Variants in PCDH11Y observed in about 807,000 individuals in gnomAD.
The protein encoded by PCDH11Y is protocadherin-11 Y-linked.
For synonymous variants in PCDH11Y, 9 were observed against 83.6 expected, an observed-to-expected ratio of 0.11 and a Z score of 4.87; for missense variants, 12 against 224.8, an observed-to-expected ratio of 0.05 and a Z score of 6.05.
chrY:5,115,896 A>G (rs2052809823), intron 2 of PCDH11Y, among the ~76,000 whole-genome samples: 1 of 29,578 alleles, frequency 3.4e-5, no homozygotes, highest in Non-Finnish European at 8.0e-5. Flanking sequence ...GCCCGCCACC[A>G]CGCCCAGCTA....
intron 2 of PCDH11Y, among the ~76,000 whole-genome samples, chrY:5,290,181 G>C (rs1458550334): frequency 3.0e-5 from 1 of 33,009 alleles, no homozygotes. Context: ...TCTCATTGTA[G>C]TTTTGATTTA....
intron 4 of PCDH11Y, among the ~76,000 whole-genome samples, chrY:5,642,969 G>A (rs2053524152): frequency 3.0e-5 from 1 of 33,093 alleles, no homozygotes; most frequent in Non-Finnish European, 7.5e-5. Flanking sequence ...CTGGTAGTTC[G>A]CATTGTCATG....
At chrY:5,027,035 G>T in intron 1 of PCDH11Y, among the ~76,000 whole-genome samples, 2 of 32,426 alleles carry the variant, frequency 6.2e-5, no homozygotes, top group Non-Finnish European at 1.5e-4. Context: ...AAAGCAGGGG[G>T]CTTGCTTGAG....
chrY:5,156,333 G>A (rs1602877599), intron 2 of PCDH11Y, among the ~76,000 whole-genome samples: 9 of 32,192 alleles, frequency 2.8e-4, no homozygotes, highest in African/African-American at 8.5e-4. Context: ...TCATGAATAC[G>A]TTACAAGTAG....
intron 2 of PCDH11Y, among the ~76,000 whole-genome samples, chrY:5,241,796 T>A: frequency 3.0e-5 from 1 of 32,929 alleles, no homozygotes; most frequent in Non-Finnish European, 7.4e-5. Flanking sequence ...AAAATATAAA[T>A]GCCTGAAGTG....
At chrY:5,046,200 A>G (rs1602848666) in intron 3 of PCDH11Y, among the ~76,000 whole-genome samples, 3 of 33,157 alleles carry the variant, frequency 9.0e-5, no homozygotes, top group African/African-American at 2.3e-4. Context: ...GCTTTTTAGA[A>G]TTTCCAGTTT....
At chrY:5,303,053 G>T in intron 2 of PCDH11Y, among the ~76,000 whole-genome samples, 2 of 32,650 alleles carry the variant, frequency 6.1e-5, no homozygotes, top group Non-Finnish European at 1.5e-4. Context: ...TATGATATTT[G>T]CAGGGATAAC....
At chrY:5,632,052 T>C in intron 4 of PCDH11Y, among the ~76,000 whole-genome samples, 1 of 32,765 alleles carries the variant, frequency 3.1e-5, no homozygotes, top group Non-Finnish European at 7.5e-5. Context: ...CTCAGTTTTC[T>C]AATCTCTCAG....
intron 2 of PCDH11Y, among the ~76,000 whole-genome samples, chrY:5,329,748 T>C: frequency 3.0e-5 from 1 of 32,905 alleles, no homozygotes; most frequent in African/African-American, 1.2e-4. Context: ...AGGGAGAGAT[T>C]GAAGTGTGGT....
intron 2 of PCDH11Y, among the ~76,000 whole-genome samples, chrY:5,217,940 G>T: frequency 3.0e-5 from 1 of 33,463 alleles, no homozygotes; most frequent in South Asian, 6.6e-4. Flanking sequence ...TGCTTTCAGC[G>T]GATGAACAGA....
intron 4 of PCDH11Y, among the ~76,000 whole-genome samples, chrY:5,642,595 C>G: frequency 5.9e-5 from 2 of 33,777 alleles, no homozygotes; most frequent in Non-Finnish European, 1.5e-4. Context: ...TCATTTTTCT[C>G]TCTTAAGGTG....
chrY:5,197,334 C>T, intron 2 of PCDH11Y, among the ~76,000 whole-genome samples: 1 of 32,522 alleles, frequency 3.1e-5, no homozygotes, highest in African/African-American at 1.2e-4. Flanking sequence ...TTCCATTGAT[C>T]TATATCTCTG....
intron 2 of PCDH11Y, among the ~76,000 whole-genome samples, chrY:5,130,314 A>C: frequency 3.0e-5 from 1 of 33,498 alleles, no homozygotes; most frequent in Non-Finnish European, 7.4e-5. Context: ...AAACCAACAG[A>C]ATGGAAGGAA....
chrY:5,316,666 C>T (rs2053107842), intron 2 of PCDH11Y, among the ~76,000 whole-genome samples: 1 of 33,110 alleles, frequency 3.0e-5, no homozygotes, highest in African/African-American at 1.2e-4. Context: ...GTTAAATAAA[C>T]CCCATTTGAT....
chrY:5,612,814 G>T (rs2053488925), intron 4 of PCDH11Y, among the ~76,000 whole-genome samples: 1 of 30,833 alleles, frequency 3.2e-5, no homozygotes, highest in Non-Finnish European at 7.7e-5. Flanking sequence ...TCTGAAGAAC[G>T]CAGAAACGAG....
At chrY:5,046,760 C>T (rs1602849210) in intron 3 of PCDH11Y, among the ~76,000 whole-genome samples, 2 of 32,940 alleles carry the variant, frequency 6.1e-5, no homozygotes, top group African/African-American at 2.4e-4. Flanking sequence ...TAGCAATCAG[C>T]GAGACTCCGT....
At chrY:5,401,550 T>G (rs2124677102) in intron 2 of PCDH11Y, among the ~76,000 whole-genome samples, 8 of 32,682 alleles carry the variant, frequency 2.4e-4, no homozygotes, top group African/African-American at 9.6e-4. Context: ...TCATACAGGT[T>G]TTAAGCCCAC....
chrY:5,305,006 C>T, intron 2 of PCDH11Y, among the ~76,000 whole-genome samples: 2 of 32,907 alleles, frequency 6.1e-5, no homozygotes. Context: ...TAAAAATTAA[C>T]CCGGTACTAA....
intron 3 of PCDH11Y, among the ~76,000 whole-genome samples, chrY:5,044,932 A>G (rs1602847228): frequency 3.1e-5 from 1 of 32,666 alleles, no homozygotes; most frequent in African/African-American, 1.2e-4. Flanking sequence ...TAGGATTGCA[A>G]TCCCTGCCTT....
Sources: gnomAD v4.1 joint callset for allele counts (sites outside exome capture counted in the v4.1 genomes callset) on GRCh38, gnomAD v4.1.1 for gene constraint, MANE v1.5 for transcripts, NCBI Gene and HGNC (gene_info 2026-07-23, HGNC 2026-07-21) for gene names.